Variants in FANCB observed in about 807,000 individuals in gnomAD.
FANCB encodes FA complementation group B.
A neutral mutation model predicts 38.9 loss-of-function variants in FANCB; 5 were observed. The observed-to-expected ratio is 0.13, with a 90% CI of 0.07 to 0.27. The LOEUF (loss-of-function observed/expected upper bound fraction) is 0.27. Ranked by LOEUF, FANCB falls within the 10% of genes least tolerant of loss-of-function variation. The probability of loss-of-function intolerance (pLI) is 1.00; values close to 1 mark genes in which losing one functional copy is unlikely to be tolerated. For synonymous variants in FANCB, 236 were observed against 215.4 expected (o/e 1.10, Z -0.84); for missense variants, 573 against 602.7 (o/e 0.95, Z 0.52).
the FANCB span, among the ~76,000 whole-genome samples, chrX:14,791,156 T>C: frequency 9.0e-6 from 1 of 111,699 alleles, no homozygotes; most frequent in Non-Finnish European, 1.9e-5. Context: ...CTCCTCAAAC[T>C]TCAAATGTTG....
chrX:14,781,234 A>T, the FANCB span, among the ~76,000 whole-genome samples: 1 of 109,227 alleles, frequency 9.2e-6, no homozygotes, highest in African/African-American at 3.4e-5. Context: ...GTTCAAGACC[A>T]GCCTGACCAA....
the FANCB span, among the ~76,000 whole-genome samples, chrX:14,734,936 C>A: frequency 8.8e-5 from 9 of 102,074 alleles, no homozygotes; most frequent in African/African-American, 3.3e-4. Context: ...TTTTTTCATT[C>A]TTTTTTCTCT....
intron 2 of FANCB, among the ~76,000 whole-genome samples, chrX:14,867,270 G>A (rs972634617): frequency 9.0e-6 from 1 of 111,302 alleles, no homozygotes; most frequent in African/African-American, 3.3e-5. Flanking sequence ...ACCCCTAATA[G>A]CCAAAGCAAT....
the FANCB span, among the ~76,000 whole-genome samples, chrX:14,717,367 T>G: frequency 9.1e-6 from 1 of 109,312 alleles, no homozygotes. Context: ...AAAAAGTAGA[T>G]ATCAAGTCCT....
chrX:14,846,237 TA>T (rs754533942), intron 7 of FANCB, among the ~76,000 whole-genome samples: 4 of 111,502 alleles, frequency 3.6e-5, no homozygotes, highest in African/African-American at 1.3e-4. Context: ...ATCATGGTGA[TA>T]AGTAAAAACC....
chrX:14,847,382 A>G (rs1381269904), intron 7 of FANCB, among the ~76,000 whole-genome samples: 2 of 111,697 alleles, frequency 1.8e-5, no homozygotes, highest in Middle Eastern at 4.7e-3. Flanking sequence ...ACTGGATTAA[A>G]TAGCTGACTA....
chrX:14,872,157 A>G (rs2092501551), intron 1 of FANCB, among the ~76,000 whole-genome samples: 1 of 112,218 alleles, frequency 8.9e-6, no homozygotes, highest in Non-Finnish European at 1.9e-5. Context: ...TATATCTGAA[A>G]TATCTTTTAA....
At chrX:14,748,767 C>G in the FANCB span, among the ~76,000 whole-genome samples, 1 of 112,213 alleles carries the variant, frequency 8.9e-6, no homozygotes, top group Non-Finnish European at 1.9e-5. Flanking sequence ...TTTGATGTCA[C>G]TAGCCAAATC....
chrX:14,736,157 T>C, the FANCB span, among the ~76,000 whole-genome samples: 6 of 111,521 alleles, frequency 5.4e-5, no homozygotes, highest in South Asian at 2.3e-3. Flanking sequence ...CTGGTGGATC[T>C]TAGCATGCTG....
At chrX:14,812,326 G>C in the FANCB span, among the ~76,000 whole-genome samples, 36 of 107,792 alleles carry the variant, frequency 3.3e-4, no homozygotes, top group African/African-American at 1.1e-3. Context: ...GAGCAGAACT[G>C]AAGGAAATAG....
chrX:14,800,106 G>A, the FANCB span, among the ~76,000 whole-genome samples: 1 of 111,880 alleles, frequency 8.9e-6, no homozygotes, highest in Non-Finnish European at 1.9e-5. Context: ...CATCAACGGT[G>A]TGACTAGACA....
At chrX:14,783,667 G>A in the FANCB span, among the ~76,000 whole-genome samples, 5 of 111,695 alleles carry the variant, frequency 4.5e-5, no homozygotes, top group African/African-American at 1.6e-4. Flanking sequence ...TAAGGATGTT[G>A]AACCCAAAAG....
At chrX:14,741,717 T>A in the FANCB span, among the ~76,000 whole-genome samples, 1 of 112,084 alleles carries the variant, frequency 8.9e-6, no homozygotes, top group South Asian at 3.7e-4. Flanking sequence ...TCATGACTCT[T>A]AGGCAAATAT....
chrX:14,818,736 A>C, the FANCB span, among the ~76,000 whole-genome samples: 1 of 112,218 alleles, frequency 8.9e-6, no homozygotes, highest in South Asian at 3.6e-4. Context: ...AATTCAGTAT[A>C]TCCAAAATGC....
At chrX:14,764,656 C>T in the FANCB span, among the ~76,000 whole-genome samples, 3 of 111,014 alleles carry the variant, frequency 2.7e-5, no homozygotes, top group African/African-American at 9.8e-5. Flanking sequence ...CTGCCAACCA[C>T]AAAAAGAGTA....
chrX:14,819,633 C>T, the FANCB span, among the ~76,000 whole-genome samples: 3 of 111,828 alleles, frequency 2.7e-5, no homozygotes, highest in Admixed American at 1.9e-4. Context: ...CTTTTCTACA[C>T]ATATTTTATA....
the FANCB span, among the ~76,000 whole-genome samples, chrX:14,813,586 G>A: frequency 9.0e-6 from 1 of 111,338 alleles, no homozygotes; most frequent in Non-Finnish European, 1.9e-5. Flanking sequence ...TTGCTACAAA[G>A]AGAATAAAAC....
chrX:14,759,832 T>A, the FANCB span, among the ~76,000 whole-genome samples: 5 of 107,152 alleles, frequency 4.7e-5, no homozygotes, highest in African/African-American at 1.7e-4. Context: ...AGGCAACAAA[T>A]AGCATGATGA....
At position 14,865,024 on chromosome X, in the gene FANCB, C is replaced by T; in HGVS notation, c.487G>A (p.Val163Met). Residue 163 changes from valine to methionine, a missense_variant, in exon 3 of 10, where the codon GTG (valine) becomes ATG (methionine). Physicochemically the swap from Val to Met is conservative, Grantham distance 21. Coordinates refer to ENST00000650831, the MANE Select transcript of FANCB (RefSeq NM_001018113.3). ...ISSQTGKVVS[V>M]SGNFSSIQWA... ...TGAATAGAGGAAAAGTTACCTGACA[C>T]ACTAACAACTTTGCCAGTTTGAGAA... 8.3e-7 allele frequency: 1 copy of T among 1,210,397 alleles called. No homozygotes were observed. The highest frequency in any genetic ancestry group is 1.7e-5 in the African/African-American group (1 of 57,720).
Sources: gnomAD v4.1 joint callset for allele counts (sites outside exome capture counted in the v4.1 genomes callset) on GRCh38, gnomAD v4.1.1 for gene constraint, MANE v1.5 for transcripts, NCBI Gene and HGNC (gene_info 2026-07-23, HGNC 2026-07-21) for gene names.